LRIG3: variants seen among roughly 807,000 people sequenced by gnomAD.
LRIG3 encodes the protein leucine rich repeats and immunoglobulin like domains 3, also known as leucine-rich repeats and immunoglobulin-like domains protein 3.
A neutral mutation model predicts 114.5 loss-of-function variants in LRIG3; 76 were observed. The ratio of observed to expected loss-of-function variants is 0.66; its 90% CI spans 0.55 to 0.80. The LOEUF is 0.80. Among genes scored for constraint, LRIG3 ranks in the 30% least tolerant of loss-of-function variants. The probability of loss-of-function intolerance (pLI) is 0.00; values close to 1 mark genes in which losing one functional copy is unlikely to be tolerated. For missense variants in LRIG3, 1,239 were observed against 1,382.8 expected, an observed-to-expected ratio of 0.90 and a Z score of 1.65; for synonymous variants, 512 against 519.8, an observed-to-expected ratio of 0.98 and a Z score of 0.20.
intron 3 of LRIG3, among the ~76,000 whole-genome samples, chr12:58,909,448 T>C (rs1872189890): frequency 6.6e-6 from 1 of 152,164 alleles, no homozygotes; most frequent in Non-Finnish European, 1.5e-5. Flanking sequence ...TTTATTTTTC[T>C]CTCCTCACTA....
chr12:58,899,089 A>G (rs1244686384), intron 3 of LRIG3, among the ~76,000 whole-genome samples: 2 of 152,148 alleles, frequency 1.3e-5, no homozygotes. Context: ...CTTCTGGAAG[A>G]CCAGATTGTT....
intron 8 of LRIG3, among the ~76,000 whole-genome samples, 180 bp downstream of exon 8, chr12:58,887,609 A>G (rs12303283): frequency 6.6e-6 from 1 of 152,084 alleles, no homozygotes; most frequent in Admixed American, 6.5e-5. Flanking sequence ...TTTAATCCCT[A>G]TACGAAACAC....
chr12:58,887,797 T>G lies in LRIG3; in HGVS notation c.1083A>C (p.Leu361Phe). ...CAAAACGTGTAACTTACAAAGTCTT[T>G]AAACTGGAAAGCCCCCGGAAGGCAC... is the stretch of plus-strand genomic sequence containing the variant. ...ADCAFRGLSS[L>F]KTLDLKNNEI... Residue 361 changes from leucine (L) to phenylalanine (F), a missense_variant, in exon 8 of 19, where the codon TTA becomes TTC. By Grantham distance (22) the Leu-to-Phe change is conservative (BLOSUM62 0). Coordinates refer to ENST00000320743, the MANE Select transcript of LRIG3 (RefSeq NM_153377.5). 6.2e-7 allele frequency: 1 copy of G among 1,613,572 alleles called. No individual in the cohort carries two copies. The highest frequency in any genetic ancestry group is 1.1e-5 in the South Asian group (1 of 91,036).
intron 4 of LRIG3, 45 bp from the exon 5 acceptor site, chr12:58,890,184 A>G: frequency 6.2e-7 from 1 of 1,601,696 alleles, no homozygotes; most frequent in South Asian, 1.1e-5. Context: ...ATTTATTTGC[A>G]AGTTAAAGTG....
intron 3 of LRIG3, among the ~76,000 whole-genome samples, chr12:58,897,246 T>C (rs183241189): frequency 4.6e-5 from 7 of 152,292 alleles, no homozygotes; most frequent in Admixed American, 1.3e-4. Context: ...TGATGAAGAA[T>C]TAAGGACACT....
chr12:58,881,511 G>C (rs1244091498), intron 12 of LRIG3, among the ~76,000 whole-genome samples: 1 of 152,002 alleles, frequency 6.6e-6, no homozygotes, highest in Non-Finnish European at 1.5e-5. Flanking sequence ...GCTTTGAGCG[G>C]CCAATCGTGC....
chr12:58,902,734 AAC>A (rs1565621421), intron 3 of LRIG3, among the ~76,000 whole-genome samples: 1 of 78,022 alleles, frequency 1.3e-5, no homozygotes, highest in Admixed American at 2.0e-4. Context: ...CCCACCCCAC[AAC>A]AGTCCCCAGA....
intron 15 of LRIG3, 132 bp from the exon 16 acceptor site, chr12:58,876,735 C>T (rs56041428): frequency 0.027 from 23,263 of 876,800 alleles, 978 homozygotes; most frequent in African/African-American, 0.16. Flanking sequence ...CTGGCAAAAC[C>T]ATCTCGATTG....
rs1870763491 is a variant in LRIG3, at chr12:58,872,343, T to C, written c.*229A>G. The C allele has an allele frequency of 6.5e-6, 2 of 308,620 alleles. No individual in the cohort carries two copies. The highest frequency in any genetic ancestry group is 5.8e-6 in the Non-Finnish European group (1 of 171,962). 19.1% of individuals were successfully genotyped at this position (308,620 alleles called of 1,614,324 possible). ...TCATTAATTTACGTAAGATACTTTT[T>C]TGCATAAAACAAAGTTAAAAAATAG... On this transcript the variant is annotated 3_prime_UTR_variant, in exon 19 of 19. Coordinates refer to ENST00000320743, the MANE Select transcript of LRIG3 (RefSeq NM_153377.5).
chr12:58,903,244 C>A (rs545283286), intron 3 of LRIG3, among the ~76,000 whole-genome samples: 283 of 152,298 alleles, frequency 1.9e-3, no homozygotes, highest in African/African-American at 6.7e-3. Flanking sequence ...TGTTTCCTGA[C>A]CTTTTAATGA....
At position 58,876,622 on chromosome 12, in the gene LRIG3, A is replaced by G. The variant is rs567890972; in HGVS notation, c.2537-19T>C. 1 of 1,613,500 alleles carries G rather than the reference A, an allele frequency of 6.2e-7. No individual in the cohort carries two copies. The highest frequency in any genetic ancestry group is 1.1e-5 in the South Asian group (1 of 91,054). ...GTCTCATCTGTAATAAAACAGCAGC[A>G]TTTTATTAACCAAGGATGATCGTTA... is the stretch of plus-strand genomic sequence containing the variant. On this transcript the variant is annotated intron_variant, in intron 15 of 18. Transcript: ENST00000320743.
At chr12:58,906,533 T>A (rs1467891725) in intron 3 of LRIG3, among the ~76,000 whole-genome samples, 1 of 152,204 alleles carries the variant, frequency 6.6e-6, no homozygotes, top group African/African-American at 2.4e-5. Flanking sequence ...TGGAATGTAA[T>A]GAGAAATGCA....
In LRIG3 at chr12:58,907,884, G is replaced by A. The variant is rs575759809; in HGVS notation, c.383+6098C>T. Among the ~76,000 whole-genome samples the A allele has an allele frequency of 1.9e-3, 283 of 152,210 alleles. 1 individual carries two copies. Among genetic ancestry groups the A allele is most frequent in the Non-Finnish European group, 3.5e-3 (236 of 68,022 alleles). ...AGTGGGCTGAGGGGATTGAGAGCTCGCTAAGATAAAAGTTGGACCCTGGAA... is the reference window on the plus strand; with the variant it reads ...AGTGGGCTGAGGGGATTGAGAGCTCACTAAGATAAAAGTTGGACCCTGGAA... On this transcript the variant is annotated intron_variant, in intron 3 of 18. Transcript: ENST00000320743.
intron 3 of LRIG3, among the ~76,000 whole-genome samples, chr12:58,904,920 T>A (rs113286058): frequency 6.6e-6 from 1 of 152,316 alleles, no homozygotes; most frequent in African/African-American, 2.4e-5. Flanking sequence ...CAATTACTTA[T>A]ATGATGATAA....
chr12:58,920,207 G>A lies in LRIG3; in HGVS notation c.29C>T (p.Ala10Val), dbSNP rs960386446. The change falls in exon 1 of 19, where the codon GCC (alanine) becomes GTC (valine). Residue 10 changes from alanine (A) to valine (V), a missense_variant. Transcript: ENST00000320743. ...GCACAGCAGCAGCCCCAACCCCGCG[G>A]CGCGCGCACGGAGGCTCGGCGCGCT... MSAPSLRAR[A>V]AGLGLLLCAV... is the part of the protein sequence containing the mutation. The A allele has an allele frequency of 4.3e-6, 6 of 1,405,858 alleles. No homozygotes were observed. The highest frequency in any genetic ancestry group is 3.6e-5 in the Admixed American group (1 of 28,146). The allele number at this position is 1,405,858 out of a possible 1,614,324, so 87.1% of individuals were successfully genotyped here. A position where few individuals can be genotyped will look rare whatever the true frequency, so the allele number is the denominator to read the frequency against.
chr12:58,878,905 T>A lies in LRIG3; in HGVS notation c.2002A>T (p.Ile668Leu). The change falls in exon 14 of 19, where the codon ATA (isoleucine) becomes TTA (leucine). Residue 668 changes from isoleucine (I) to leucine (L), a missense_variant. Coordinates refer to ENST00000320743, the MANE Select transcript of LRIG3 (RefSeq NM_153377.5). ...CAGCTGTATACCCCAATGTCCTCTATCTTCACATCCACGATAAAGAACACG... is the reference window on the plus strand; with the variant it reads ...CAGCTGTATACCCCAATGTCCTCTAACTTCACATCCACGATAAAGAACACG... Reference protein sequence around the residue: ...DDVFFIVDVKIEDIGVYSCTA... With the variant: ...DDVFFIVDVKLEDIGVYSCTA... The A allele has an allele frequency of 6.2e-7, 1 of 1,614,216 alleles. No individual in the cohort carries two copies. The highest frequency in any genetic ancestry group is 8.5e-7 in the Non-Finnish European group (1 of 1,180,048).
intron 12 of LRIG3, among the ~76,000 whole-genome samples, chr12:58,882,184 T>A (rs1004761885): frequency 6.6e-6 from 1 of 152,256 alleles, no homozygotes; most frequent in African/African-American, 2.4e-5. Flanking sequence ...TTCTGATTTA[T>A]TGGTTTATAA....
chr12:58,885,449 TCTGA>T (rs992799961), intron 10 of LRIG3, among the ~76,000 whole-genome samples: 20 of 152,122 alleles, frequency 1.3e-4, no homozygotes, highest in African/African-American at 4.1e-4. Flanking sequence ...TGAATTGTAT[TCTGA>T]CTAAGAATTA....
In LRIG3 at chr12:58,890,797, C is replaced by G; in HGVS notation, c.384-1G>C. 1.3e-6 allele frequency: 2 copies of G among 1,597,794 alleles called. No homozygotes were observed. Among genetic ancestry groups the G allele is most frequent in the Non-Finnish European group, 1.7e-6 (2 of 1,174,480 alleles). Reference sequence around the variant, plus strand: ...TATTTCAACAATCCTGTTTCCAGCCCTAGAATTAAAAGAAACCACAGTTAA... The same window carrying G: ...TATTTCAACAATCCTGTTTCCAGCCGTAGAATTAAAAGAAACCACAGTTAA... On this transcript the variant is annotated splice_acceptor_variant, in intron 3 of 18. Transcript: ENST00000320743. LOFTEE classifies it high-confidence loss of function.
Sources: allele counts gnomAD v4.1 joint callset (sites outside exome capture counted in the v4.1 genomes callset), GRCh38; gene constraint gnomAD v4.1.1; transcripts MANE v1.5; gene names NCBI Gene and HGNC (gene_info 2026-07-23, HGNC 2026-07-21).